CARMIL3: variants seen among roughly 807,000 people sequenced by gnomAD.
CARMIL3 encodes capping protein, Arp2/3 and myosin-I linker protein 3.
In CARMIL3, 88 loss-of-function variants were observed where a neutral mutation model predicts 180.8. That is an observed-to-expected ratio of 0.49 (90% CI 0.41 to 0.58). The LOEUF (loss-of-function observed/expected upper bound fraction) is 0.58, where lower values mean the gene tolerates loss of function less well. CARMIL3 is among the 20% of genes least tolerant of loss of function. CARMIL3 has a pLI of 0.00. For synonymous variants in CARMIL3, 696 were observed against 714.5 expected (o/e 0.97, Z 0.41); for missense variants, 1,548 against 1,787.0 (o/e 0.87, Z 2.41).
intron 36 of CARMIL3, 64 bp from the exon 37 acceptor site, chr14:24,068,520 A>G (rs1292475187): frequency 1.4e-6 from 2 of 1,425,466 alleles, no homozygotes. Flanking sequence ...TGGAGAGAGG[A>G]GACAGGGACA....
rs775598590 is a variant in CARMIL3 at position 24,054,258 on chromosome 14, A to G, written c.203A>G (p.Asn68Ser). ...KVPAKVESSFNVLEIRAFNTL... is the reference protein window; with the variant it reads ...KVPAKVESSFSVLEIRAFNTL... ...CCCTCCTAGGTGGAGAGCTCCTTCA[A>G]TGTCCTGGAGATCCGTGCCTTCAAC... Residue 68 changes from asparagine to serine, a missense_variant, in exon 4 of 40, where the codon AAT (asparagine) becomes AGT (serine). Physicochemically the swap from Asn to Ser is conservative, Grantham distance 46. Around this residue, in one of 4 missense-constraint regions of CARMIL3, gnomAD observed 578 missense variants for 666.5 expected, o/e 0.87. Coordinates refer to ENST00000342740, the MANE Select transcript of CARMIL3 (RefSeq NM_138360.4). This position sits in a 1 kb window ranked among gnomAD's most constrained non-coding sequence, Gnocchi z 5.1. 7 of 1,613,996 alleles carry G rather than the reference A, an allele frequency of 4.3e-6. No individual in the cohort carries two copies. The highest frequency in any genetic ancestry group is 1.6e-4 in the Middle Eastern group (1 of 6,084).
Position 24,060,685 on chromosome 14 carries a change from C to T in CARMIL3, c.2119C>T (p.Pro707Ser). Residue 707 changes from proline (P) to serine (S), a missense_variant, in exon 25 of 40, where the codon CCC (proline) becomes TCC (serine). This residue lies in a region of CARMIL3 where 297 missense variants were observed against 415.9 expected (regional missense o/e 0.71). Coordinates refer to ENST00000342740, the MANE Select transcript of CARMIL3 (RefSeq NM_138360.4). ...QEEVRALRLC[P>S]LEPVQDELLY... ...GGAGGTGCGGGCCCTGAGACTATGC[C>T]CCCTGGAGCCTGTGCAGGATGAGCT... 6.2e-7 allele frequency: 1 copy of T among 1,613,866 alleles called. No homozygotes were observed.
chr14:24,058,633 A>G lies in CARMIL3; in HGVS notation c.1393-47A>G. On this transcript the variant is annotated intron_variant, in intron 17 of 39. Transcript: ENST00000342740. The surrounding 1 kb of genome is among the most constrained non-coding windows in gnomAD (Gnocchi z 6.4). ...ATATCCTAAGCATTAAAGGTGCCCTACCCCCACCCCAACCCCTGCCTTCCC... is the reference window on the plus strand; with the variant it reads ...ATATCCTAAGCATTAAAGGTGCCCTGCCCCCACCCCAACCCCTGCCTTCCC... 6.5e-7 allele frequency: 1 copy of G among 1,540,026 alleles called. No homozygotes were observed. The highest frequency in any genetic ancestry group is 8.9e-7 in the Non-Finnish European group (1 of 1,118,348).
At chr14:24,062,432 G>C (rs960266) in intron 27 of CARMIL3, 48 bp from the exon 28 acceptor site, 206,044 of 1,527,290 alleles carry the variant, frequency 0.13, 20,898 homozygotes, top group East Asian at 0.54. Flanking sequence ...GGGGCCATGC[G>C]GGGGACTGAG....
chr14:24,063,515 A>G lies in CARMIL3; in HGVS notation c.2961A>G (p.Pro987=). 6.2e-7 allele frequency: 1 copy of G among 1,612,318 alleles called. No individual in the cohort carries two copies. The highest frequency in any genetic ancestry group is 2.2e-5 in the East Asian group (1 of 44,880). ...GRPRPPRTTP[P]GPGRPSMPAP... ...CCCGCCCCCCCAGGACCACACCTCC[A>G]GGACCTGGTCGACCCAGTGTGAGTC... The change falls in exon 31 of 40, where the codon CCA becomes CCG. Residue 987 remains proline, a synonymous_variant. Coordinates refer to ENST00000342740, the MANE Select transcript of CARMIL3 (RefSeq NM_138360.4).
intron 31 of CARMIL3, among the ~76,000 whole-genome samples, chr14:24,063,877 C>CCT (rs1277689573): frequency 1.4e-5 from 2 of 147,348 alleles, no homozygotes; most frequent in African/African-American, 5.0e-5. Context: ...GGGCAGATCA[C>CCT]GAGGTCAAGA....
Position 24,061,357 on chromosome 14 carries a change from C to T in CARMIL3, c.2305-140C>T, listed in dbSNP as rs1410529935. Reference sequence around the variant, plus strand: ...TGGGGAAGCCTTAGTGTCCAAGGCTCTGCCACTAACAGTTTTGTGACTTAG... The same window carrying T: ...TGGGGAAGCCTTAGTGTCCAAGGCTTTGCCACTAACAGTTTTGTGACTTAG... On this transcript the variant is annotated intron_variant, in intron 26 of 39. Coordinates refer to ENST00000342740, the MANE Select transcript of CARMIL3 (RefSeq NM_138360.4). This position sits in a 1 kb window ranked among gnomAD's most constrained non-coding sequence, Gnocchi z 4.1. The T allele has an allele frequency of 1.2e-5, 10 of 851,930 alleles. No individual in the cohort carries two copies. Among genetic ancestry groups the T allele is most frequent in the Non-Finnish European group, 1.6e-5 (9 of 559,436 alleles). 52.8% of individuals were successfully genotyped at this position (851,930 alleles called of 1,614,324 possible). A position where few individuals can be genotyped will look rare whatever the true frequency, so the allele number is the denominator to read the frequency against.
chr14:24,063,525 C>T lies in CARMIL3; in HGVS notation c.2971C>T (p.Arg991Ter). The change falls in exon 31 of 40, where the codon CGA becomes TGA. Residue 991 changes from arginine (R) to a stop codon, truncating the protein, a stop_gained. Coordinates refer to ENST00000342740, the MANE Select transcript of CARMIL3 (RefSeq NM_138360.4). LOFTEE classifies it high-confidence loss of function. ...CAGGACCACACCTCCAGGACCTGGT[C>T]GACCCAGTGTGAGTCCCTAAGGCTT... ...PPRTTPPGPG[R>*]PSMPAPGTRQ... 1.2e-6 allele frequency: 2 copies of T among 1,610,384 alleles called. No individual in the cohort carries two copies. The highest frequency in any genetic ancestry group is 2.2e-5 in the East Asian group (1 of 44,876).
At chr14:24,060,117 C>T (rs753615229) in intron 23 of CARMIL3, 40 bp from the exon 24 acceptor site, 2 of 1,613,740 alleles carry the variant, frequency 1.2e-6, no homozygotes, top group East Asian at 2.2e-5. Flanking sequence ...GGGGCAGCCC[C>T]CATCCCCAGG....
chr14:24,063,332 C>T lies in CARMIL3; in HGVS notation c.2778C>T (p.Ser926=). 1 of 1,596,942 alleles carries T rather than the reference C, an allele frequency of 6.3e-7. No individual in the cohort carries two copies. Among genetic ancestry groups the T allele is most frequent in the Non-Finnish European group, 8.6e-7 (1 of 1,168,280 alleles). The change falls in exon 31 of 40, where the codon AGC becomes AGT. Residue 926 remains serine, a synonymous_variant. Transcript: ENST00000342740. ...IRPVSAFISG[S]PQDMESQLGN... ...ATGCTGCTGTCTTTGCAGGCGGGAGCCCTCAGGACATGGAAAGCCAACTGG... is the reference window on the plus strand; with the variant it reads ...ATGCTGCTGTCTTTGCAGGCGGGAGTCCTCAGGACATGGAAAGCCAACTGG...
chr14:24,067,422 C>A (rs1015674336), intron 36 of CARMIL3, among the ~76,000 whole-genome samples: 1 of 152,236 alleles, frequency 6.6e-6, no homozygotes, highest in Non-Finnish European at 1.5e-5. Flanking sequence ...ATGGAGACAC[C>A]CCCTCAGCCT....
At chr14:24,053,876 C>T (rs2035643897) in intron 2 of CARMIL3, 73 bp downstream of exon 2, 19 of 1,376,474 alleles carry the variant, frequency 1.4e-5, no homozygotes, top group Admixed American at 2.0e-5. Context: ...GGCAGGGAGC[C>T]GGGAGGACAG....
chr14:24,057,764 T>A, intron 14 of CARMIL3, 39 bp from the exon 15 acceptor site: 1 of 1,549,006 alleles, frequency 6.5e-7, no homozygotes, highest in Non-Finnish European at 8.8e-7. Context: ...CCCTACCCCC[T>A]TCCAGCTCCC....
In CARMIL3 at chr14:24,054,104, G is replaced by T; in HGVS notation, c.152G>T (p.Arg51Leu). Residue 51 changes from arginine to leucine, a missense_variant, in exon 3 of 40, where the codon CGC (arginine) becomes CTC (leucine). Physicochemically the swap from Arg to Leu is moderately radical, Grantham distance 102. Transcript: ENST00000342740. This position sits in a 1 kb window ranked among gnomAD's most constrained non-coding sequence, Gnocchi z 5.1. ...EDRVLALTSW[R>L]LHLFLLKVPA... is the part of the protein sequence containing the mutation. Reference sequence around the variant, plus strand: ...TCTCTGTAGGCCCTGACCTCCTGGCGCCTCCACCTCTTCCTCCTTAAAGTC... The same window carrying T: ...TCTCTGTAGGCCCTGACCTCCTGGCTCCTCCACCTCTTCCTCCTTAAAGTC... 1 of 1,613,954 alleles carries T rather than the reference G, an allele frequency of 6.2e-7. No individual in the cohort carries two copies. The highest frequency in any genetic ancestry group is 8.5e-7 in the Non-Finnish European group (1 of 1,180,002).
Position 24,061,324 on chromosome 14 carries a change from C to T in CARMIL3, c.2305-173C>T. ...TATGGTAGGGTGGAAGGAGCACTGA[C>T]CAGAAAGTGGGGAAGCCTTAGTGTC... On this transcript the variant is annotated intron_variant, in intron 26 of 39. Transcript: ENST00000342740. The surrounding 1 kb of genome is among the most constrained non-coding windows in gnomAD (Gnocchi z 4.1). The T allele has an allele frequency of 1.4e-6, 1 of 692,244 alleles. No homozygotes were observed. Among genetic ancestry groups the T allele is most frequent in the Non-Finnish European group, 2.4e-6 (1 of 420,328 alleles). 42.9% of individuals were successfully genotyped at this position (692,244 alleles called of 1,614,324 possible).
In CARMIL3 at chr14:24,060,957, G is replaced by A. The variant is rs773111025; in HGVS notation, c.2221G>A (p.Val741Met). Reference protein sequence around the residue: ...LFPSLYELGHVLANDGPVRQR... With the variant: ...LFPSLYELGHMLANDGPVRQR... ...TCCCAGCCTCTATGAGCTGGGCCAC[G>A]TGCTGGCCAATGATGGGCCTGTGCG... is the stretch of plus-strand genomic sequence containing the variant. Residue 741 changes from valine to methionine, a missense_variant, in exon 26 of 40, where the codon GTG (valine) becomes ATG (methionine). Coordinates refer to ENST00000342740, the MANE Select transcript of CARMIL3 (RefSeq NM_138360.4). 25 of 1,551,584 alleles carry A rather than the reference G, an allele frequency of 1.6e-5. No homozygotes were observed. In the African/African-American group the frequency reaches 1.9e-4, roughly 12 times the overall value.
intron 32 of CARMIL3, 49 bp downstream of exon 32, chr14:24,064,395 G>A (rs1253398567): frequency 7.1e-7 from 1 of 1,401,624 alleles, no homozygotes; most frequent in Non-Finnish European, 9.9e-7. Context: ...CAAGGCCCTA[G>A]AAGGGCTGCT....
intron 1 of CARMIL3, among the ~76,000 whole-genome samples, chr14:24,053,391 A>T (rs2138691549): frequency 6.6e-6 from 1 of 152,196 alleles, no homozygotes; most frequent in South Asian, 2.1e-4. Flanking sequence ...ATGGGTTGGA[A>T]AAATTCTTCA....
chr14:24,063,076 C>G, intron 29 of CARMIL3, 44 bp from the exon 30 acceptor site: 1 of 1,603,516 alleles, frequency 6.2e-7, no homozygotes, highest in Non-Finnish European at 8.5e-7. Flanking sequence ...ATGGATGGCT[C>G]TGGGTGAGGT....
Sources: allele counts gnomAD v4.1 joint callset (sites outside exome capture counted in the v4.1 genomes callset), GRCh38; gene constraint gnomAD v4.1.1; regional missense constraint gnomAD v4.1.1; non-coding constraint Gnocchi (gnomAD v3.1); transcripts MANE v1.5; gene names NCBI Gene and HGNC (gene_info 2026-07-23, HGNC 2026-07-21).